The following GRIK4 variants were observed in gnomAD, a reference collection of about 807,000 sequenced individuals.
The protein encoded by GRIK4 is glutamate receptor ionotropic, kainate 4.
Under a neutral mutation model 104.9 loss-of-function variants are expected in GRIK4, and 40 were observed. The ratio of observed to expected loss-of-function variants is 0.38; its 90% confidence interval spans 0.30 to 0.50. The LOEUF (loss-of-function observed/expected upper bound fraction) is 0.50. GRIK4 is among the 20% of genes least tolerant of loss of function. The pLI, the probability that GRIK4 is intolerant of heterozygous loss-of-function variation, is 0.93. For missense variants in GRIK4, 1,047 were observed against 1,308.1 expected (o/e 0.80, Z 3.08); for synonymous variants, 485 against 524.9 (o/e 0.92, Z 1.04).
At chr11:120,848,588 G>C (rs540698262) in intron 8 of GRIK4, among the ~76,000 whole-genome samples, 1 of 152,254 alleles carries the variant, frequency 6.6e-6, no homozygotes, top group South Asian at 2.1e-4. Context: ...ATATTAGGCT[G>C]TTCTATTTGG....
intron 3 of GRIK4, among the ~76,000 whole-genome samples, chr11:120,743,489 G>T (rs1951376851): frequency 6.6e-6 from 1 of 152,148 alleles, no homozygotes; most frequent in Non-Finnish European, 1.5e-5. Flanking sequence ...CTTAATACCT[G>T]GGTGATGAAG....
intron 3 of GRIK4, among the ~76,000 whole-genome samples, chr11:120,748,020 G>A (rs901800414): frequency 2.0e-5 from 3 of 152,196 alleles, no homozygotes; most frequent in Non-Finnish European, 4.4e-5. Context: ...AGGCGCCTCT[G>A]TGGATTAATG....
rs1274835879 is a variant in GRIK4, at chr11:120,862,069, C to G, written c.855C>G (p.Leu285=). The G allele has an allele frequency of 2.5e-6, 4 of 1,614,206 alleles. No homozygotes were observed. Among genetic ancestry groups the G allele is most frequent in the Non-Finnish European group, 3.4e-6 (4 of 1,180,014 alleles). The change falls in exon 9 of 21, where the codon CTC becomes CTG. Residue 285 remains leucine, a synonymous_variant. Coordinates refer to ENST00000527524, the MANE Select transcript of GRIK4 (RefSeq NM_014619.5). Reference sequence around the variant, plus strand: ...TCTTCCAAGAGTTTGCCCAGAGCCTCAACCAGTCCTGGCAGGAGAACTGTG... The same window carrying G: ...TCTTCCAAGAGTTTGCCCAGAGCCTGAACCAGTCCTGGCAGGAGAACTGTG... ...HAFFQEFAQS[L]NQSWQENCDH...
At chr11:120,802,590 G>A in intron 3 of GRIK4, 103 bp from the exon 4 acceptor site, 1 of 970,316 alleles carries the variant, frequency 1.0e-6, no homozygotes. Flanking sequence ...AACTTGGGGT[G>A]CTGCCTGGAA....
intron 3 of GRIK4, among the ~76,000 whole-genome samples, chr11:120,675,524 G>A (rs556538719): frequency 6.6e-6 from 1 of 152,178 alleles, no homozygotes; most frequent in African/African-American, 2.4e-5. Context: ...CACAGGTGAA[G>A]TAGCATGCAC....
intron 3 of GRIK4, among the ~76,000 whole-genome samples, chr11:120,727,187 C>A (rs1951043768): frequency 6.6e-6 from 1 of 152,144 alleles, no homozygotes; most frequent in African/African-American, 2.4e-5. Context: ...CCAGATGGAA[C>A]AAAGGGGCGA....
At chr11:120,605,885 C>T (rs1948953624) in intron 1 of GRIK4, among the ~76,000 whole-genome samples, 1 of 152,200 alleles carries the variant, frequency 6.6e-6, no homozygotes, top group South Asian at 2.1e-4. Flanking sequence ...TGTGCCAGGT[C>T]AATGAGGCTG....
chr11:120,938,974 G>A (rs936323751), intron 13 of GRIK4, among the ~76,000 whole-genome samples: 1 of 152,164 alleles, frequency 6.6e-6, no homozygotes, highest in African/African-American at 2.4e-5. Flanking sequence ...ACAGCATTTT[G>A]AGAACCACCA....
intron 3 of GRIK4, among the ~76,000 whole-genome samples, chr11:120,662,992 C>T (rs1381642272): frequency 6.6e-6 from 1 of 152,160 alleles, no homozygotes; most frequent in East Asian, 1.9e-4. Context: ...GGTGTTTACC[C>T]CTCGAATGAG....
intron 11 of GRIK4, 64 bp downstream of exon 11, chr11:120,875,307 G>A (rs565328673): frequency 3.1e-5 from 33 of 1,073,748 alleles, no homozygotes; most frequent in African/African-American, 2.9e-4. Flanking sequence ...TTGATGCCTC[G>A]GTGTTTTGGA....
At chr11:120,899,054 A>G (rs1339312663) in intron 12 of GRIK4, among the ~76,000 whole-genome samples, 1 of 152,152 alleles carries the variant, frequency 6.6e-6, no homozygotes. Context: ...TGAAGCGGAC[A>G]TGGGAATGTC....
At chr11:120,551,381 C>T (rs1223694338) in intron 1 of GRIK4, among the ~76,000 whole-genome samples, 2 of 152,192 alleles carry the variant, frequency 1.3e-5, no homozygotes, top group Admixed American at 6.5e-5. Context: ...GTGGGTCCCG[C>T]CCTCATACCC....
intron 14 of GRIK4, among the ~76,000 whole-genome samples, chr11:120,947,378 G>A (rs1943886950): frequency 6.6e-6 from 1 of 150,578 alleles, no homozygotes; most frequent in African/African-American, 2.4e-5. Flanking sequence ...CTCTAGCCTG[G>A]GCAACAGAGT....
At chr11:120,660,950 C>T (rs544732968) in intron 3 of GRIK4, among the ~76,000 whole-genome samples, 4 of 152,260 alleles carry the variant, frequency 2.6e-5, no homozygotes, top group Admixed American at 2.0e-4. Context: ...TGCTGTGGGA[C>T]GCCCACTTTA....
At chr11:120,910,714 GA>G (rs749162364) in intron 13 of GRIK4, among the ~76,000 whole-genome samples, 40 of 152,226 alleles carry the variant, frequency 2.6e-4, no homozygotes, top group Non-Finnish European at 1.5e-4. Context: ...CAGGTACAAA[GA>G]TGTCTCTAGA....
chr11:120,746,785 T>G (rs1364730329), intron 3 of GRIK4, among the ~76,000 whole-genome samples: 1 of 152,188 alleles, frequency 6.6e-6, no homozygotes, highest in Non-Finnish European at 1.5e-5. Flanking sequence ...GAGCTCAGGT[T>G]TCCCATCTTT....
intron 8 of GRIK4, among the ~76,000 whole-genome samples, chr11:120,853,738 C>A (rs1035726808): frequency 6.6e-6 from 1 of 152,172 alleles, no homozygotes; most frequent in East Asian, 1.9e-4. Flanking sequence ...GGATATCTTC[C>A]TCCTTTTCAG....
intron 3 of GRIK4, among the ~76,000 whole-genome samples, chr11:120,697,444 C>T (rs12288261): frequency 0.11 from 16,395 of 152,126 alleles, 943 homozygotes; most frequent in South Asian, 0.15. Flanking sequence ...GGTGAAACCC[C>T]GTCTCTACTC....
At chr11:120,860,416 C>T (rs1290203002) in intron 8 of GRIK4, among the ~76,000 whole-genome samples, 2 of 152,140 alleles carry the variant, frequency 1.3e-5, no homozygotes, top group African/African-American at 4.8e-5. Context: ...CCTCGGTGCA[C>T]TCACACCTGC....
Sources: allele counts gnomAD v4.1 joint callset (sites outside exome capture counted in the v4.1 genomes callset), GRCh38; gene constraint gnomAD v4.1.1; transcripts MANE v1.5; gene names NCBI Gene and HGNC (gene_info 2026-07-23, HGNC 2026-07-21).